GLDC: variants seen among roughly 807,000 people sequenced by gnomAD.
The protein encoded by GLDC is glycine decarboxylase, also known as glycine dehydrogenase (decarboxylating), mitochondrial.
Under a neutral mutation model 121.3 loss-of-function variants are expected in GLDC, and 104 were observed. The observed-to-expected ratio is 0.86, with a 90% CI of 0.73 to 1.01. GLDC has a LOEUF of 1.01. Ranked by LOEUF, GLDC falls within the 50% of genes least tolerant of loss-of-function variation. The probability of loss-of-function intolerance (pLI) is 0.00; values close to 1 mark genes in which losing one functional copy is unlikely to be tolerated. For synonymous variants in GLDC, 546 were observed against 480.6 expected, an observed-to-expected ratio of 1.14 and a Z score of -1.78; for missense variants, 1,429 against 1,306.6, an observed-to-expected ratio of 1.09 and a Z score of -1.44.
intron 21 of GLDC, among the ~76,000 whole-genome samples, chr9:6,545,677 G>C (rs1817372782): frequency 6.6e-6 from 1 of 152,168 alleles, no homozygotes; most frequent in Non-Finnish European, 1.5e-5. Flanking sequence ...GTCTCAATCT[G>C]TTGCCCAGGC....
intron 3 of GLDC, 49 bp downstream of exon 3, chr9:6,620,135 A>G (rs1819056523): frequency 6.3e-7 from 1 of 1,583,180 alleles, no homozygotes; most frequent in African/African-American, 1.3e-5. Context: ...GGATGGAGAG[A>G]ATTATGCAAA....
intron 21 of GLDC, among the ~76,000 whole-genome samples, chr9:6,545,864 C>T (rs1451868107): frequency 6.6e-6 from 1 of 152,268 alleles, no homozygotes; most frequent in Admixed American, 6.5e-5. Context: ...TGGTCTCGAA[C>T]TCCTGAGTTC....
At chr9:6,599,455 G>T (rs760107512) in intron 8 of GLDC, among the ~76,000 whole-genome samples, 1 of 152,126 alleles carries the variant, frequency 6.6e-6, no homozygotes, top group Non-Finnish European at 1.5e-5. Context: ...AGGCATGGCG[G>T]CTTATGCCTG....
intron 15 of GLDC, among the ~76,000 whole-genome samples, chr9:6,585,746 G>A (rs540360247): frequency 6.6e-6 from 1 of 152,102 alleles, no homozygotes; most frequent in Non-Finnish European, 1.5e-5. Context: ...GAACCTAGGG[G>A]CAGATACCAT....
chr9:6,538,563 A>C (rs773459654), intron 22 of GLDC, among the ~76,000 whole-genome samples: 7 of 152,220 alleles, frequency 4.6e-5, no homozygotes, highest in Non-Finnish European at 8.8e-5. Flanking sequence ...CTATGTGTTG[A>C]GTGCCTACTA....
Position 6,573,282 on chromosome 9 carries a change from G to A in GLDC, c.1851-7853C>T, listed in dbSNP as rs534408089. 6.8e-3 allele frequency among the ~76,000 whole-genome samples: 1,034 copies of A among 151,930 alleles called. 11 individuals are homozygous for A. The highest frequency in any genetic ancestry group is 0.024 in the African/African-American group (998 of 41,416). Reference sequence around the variant, plus strand: ...TCAAGATCAGCCTGGCCAACATGGAGAAACCCTGTCTCTAATAAAAATACA... The same window carrying A: ...TCAAGATCAGCCTGGCCAACATGGAAAAACCCTGTCTCTAATAAAAATACA... On this transcript the variant is annotated intron_variant, in intron 15 of 24. Transcript: ENST00000321612.
In GLDC at chr9:6,587,221, T is replaced by C. The variant is rs368034833; in HGVS notation, c.1770A>G (p.Gly590=). 9.3e-6 allele frequency: 15 copies of C among 1,613,892 alleles called. No homozygotes were observed. In the African/African-American group the frequency reaches 1.2e-4, roughly 13 times the overall value. Residue 590 remains glycine, a synonymous_variant, in exon 15 of 25, where the codon GGA becomes GGG. Coordinates refer to ENST00000321612, the MANE Select transcript of GLDC (RefSeq NM_000170.3). The part of the protein sequence containing the change: ...HPFVPLDQAQ[G]YQQLFRELEK... ...CAAGCTCTCGGAAAAGCTGCTGATATCCTTGAGCTTGATCCAGAGGCACAA... is the reference window on the plus strand; with the variant it reads ...CAAGCTCTCGGAAAAGCTGCTGATACCCTTGAGCTTGATCCAGAGGCACAA...
At chr9:6,634,304 C>T (rs767004332) in intron 2 of GLDC, among the ~76,000 whole-genome samples, 2 of 151,840 alleles carry the variant, frequency 1.3e-5, no homozygotes, top group Admixed American at 1.3e-4. Flanking sequence ...CCAAGGCAGG[C>T]GGGTTGCTTG....
chr9:6,593,646 T>C (rs929767262), intron 9 of GLDC, among the ~76,000 whole-genome samples: 52 of 151,628 alleles, frequency 3.4e-4, no homozygotes, highest in African/African-American at 1.2e-3. Context: ...CCATATTTAA[T>C]GGCTGTACAA....
At chr9:6,593,791 C>T (rs1022525875) in intron 9 of GLDC, among the ~76,000 whole-genome samples, 1 of 151,190 alleles carries the variant, frequency 6.6e-6, no homozygotes, top group Admixed American at 6.6e-5. Flanking sequence ...CTCCTAAATT[C>T]AAGCAATTCT....
intron 8 of GLDC, 152 bp downstream of exon 8, chr9:6,601,957 C>A: frequency 1.5e-6 from 1 of 650,570 alleles, no homozygotes. Flanking sequence ...TCTCATAAGA[C>A]AATGAGCCTT....
chr9:6,628,487 A>C (rs1292268073), intron 2 of GLDC, among the ~76,000 whole-genome samples: 1 of 152,180 alleles, frequency 6.6e-6, no homozygotes, highest in Non-Finnish European at 1.5e-5. Context: ...AAAAGGGGGA[A>C]TCCATTAAGA....
chr9:6,569,375 C>T (rs1320630804), intron 15 of GLDC: 5 of 152,210 alleles, frequency 3.3e-5, no homozygotes, highest in Admixed American at 2.0e-4. Flanking sequence ...GATGTTGTGC[C>T]GGGCGTGGTG....
rs1156711956 is a variant in GLDC, at chr9:6,633,821, CTTTTTTTT to C, written c.334+10785_334+10792del. On this transcript the variant is annotated intron_variant, in intron 2 of 24. Transcript: ENST00000321612. ...ACTTGGGAGGCTGAGGCAGGAGAAT[CTTTTTTTT>C]TTTTTTTTTTTTTTTTTTGAGACGG... Among the ~76,000 whole-genome samples the C allele has an allele frequency of 2.4e-3, 213 of 89,448 alleles. 2 individuals are homozygous for C. The highest frequency in any genetic ancestry group is 7.9e-3 in the African/African-American group (157 of 19,972). The allele number at this position is 89,448 out of a possible 152,430, so 58.7% of individuals were successfully genotyped here. A position where few individuals can be genotyped will look rare whatever the true frequency, so the allele number is the denominator to read the frequency against.
chr9:6,617,747 G>A (rs954072641), intron 3 of GLDC, among the ~76,000 whole-genome samples: 5 of 152,114 alleles, frequency 3.3e-5, no homozygotes, highest in African/African-American at 9.7e-5. Context: ...TTGCATCTAC[G>A]ACAAAGCACA....
chr9:6,543,892 A>AG (rs56906794), intron 21 of GLDC, among the ~76,000 whole-genome samples: 1,488 of 148,596 alleles, frequency 0.01, 10 homozygotes, highest in Non-Finnish European at 0.015. Flanking sequence ...GGAGGACAGG[A>AG]GGGGGGGGGA....
At chr9:6,554,809 A>G in intron 18 of GLDC, 28 bp from the exon 19 acceptor site, 3 of 1,562,058 alleles carry the variant, frequency 1.9e-6, no homozygotes, top group Middle Eastern at 1.7e-4. Context: ...GCCAAAAGCA[A>G]AAGTCAAGAG....
rs121964977 is a variant in GLDC, at chr9:6,553,420, G to A, written c.2405C>T (p.Ala802Val). Residue 802 changes from alanine to valine, a missense_variant, in exon 20 of 25, where the codon GCG (alanine) becomes GTG (valine). By Grantham distance (64) the Ala-to-Val change is moderately conservative. Transcript: ENST00000321612. The stretch of plus-strand genomic sequence containing the variant: ...GATGGAACTGGAGCCCCATGGGGCC[G>A]CACTGACGGTTCCCACAGGACAGGC... ...EDACPVGTVS[A>V]APWGSSSILP... 2.5e-5 allele frequency: 41 copies of A among 1,613,098 alleles called. No individual in the cohort carries two copies. Among genetic ancestry groups the A allele is most frequent in the Non-Finnish European group, 3.3e-5 (39 of 1,179,222 alleles).
In GLDC at chr9:6,588,424, G is replaced by T. The variant is rs773483552; in HGVS notation, c.1684C>A (p.Leu562Met). The change falls in exon 14 of 25, where the codon CTG becomes ATG. Residue 562 changes from leucine to methionine, a missense_variant. By Grantham distance (15) the Leu-to-Met change is conservative (BLOSUM62 2). Transcript: ENST00000321612. ...ACTGCGAGTTCAGACGAACTGTTCA[G>T]TTTCATGGTGCAGGATCCCTTTAAG... Reference protein sequence around the residue: ...MIPLGSCTMKLNSSSELAPIT... With the variant: ...MIPLGSCTMKMNSSSELAPIT... 1 of 1,612,254 alleles carries T rather than the reference G, an allele frequency of 6.2e-7. No homozygotes were observed. Among genetic ancestry groups the T allele is most frequent in the Middle Eastern group, 1.7e-4 (1 of 6,054 alleles).
Sources: gnomAD v4.1 joint callset for allele counts (sites outside exome capture counted in the v4.1 genomes callset) on GRCh38, gnomAD v4.1.1 for gene constraint, MANE v1.5 for transcripts, NCBI Gene and HGNC (gene_info 2026-07-23, HGNC 2026-07-21) for gene names.